PRR5L: variants seen among roughly 807,000 people sequenced by gnomAD.
PRR5L encodes the protein proline rich 5 like, also known as proline-rich protein 5-like.
Under a neutral mutation model 36.4 loss-of-function variants are expected in PRR5L, and 21 were observed. The ratio of observed to expected loss-of-function variants is 0.58; its 90% CI spans 0.41 to 0.83. The LOEUF is 0.83. Ranked by LOEUF, PRR5L falls within the 40% of genes least tolerant of loss-of-function variation. The pLI is 0.00. For missense variants in PRR5L, 381 were observed against 473.3 expected (o/e 0.80, Z 1.81); for synonymous variants, 188 against 197.0 (o/e 0.95, Z 0.38).
chr11:36,341,211 A>G (rs897579210), intron 1 of PRR5L, among the ~76,000 whole-genome samples: 2 of 152,176 alleles, frequency 1.3e-5, no homozygotes, highest in African/African-American at 4.8e-5. Flanking sequence ...AGCCTGTCAC[A>G]CAGAGAGAGA....
chr11:36,447,498 A>G (rs1211316703), intron 7 of PRR5L, among the ~76,000 whole-genome samples: 1 of 152,184 alleles, frequency 6.6e-6, no homozygotes, highest in Admixed American at 6.5e-5. Flanking sequence ...GTTTTTGGCT[A>G]GGGACACCCC....
chr11:36,448,633 G>C (rs1016182476), intron 7 of PRR5L, among the ~76,000 whole-genome samples: 1 of 152,162 alleles, frequency 6.6e-6, no homozygotes, highest in Non-Finnish European at 1.5e-5. Context: ...CCAGCTAGTA[G>C]AAGGTTGAGC....
chr11:36,403,752 C>A (rs1170931263), intron 3 of PRR5L, among the ~76,000 whole-genome samples: 1 of 152,140 alleles, frequency 6.6e-6, no homozygotes, highest in African/African-American at 2.4e-5. Flanking sequence ...TGTGTTCTTC[C>A]TTTTACTAAG....
chr11:36,350,938 TTATATATATATATTTA>T lies in PRR5L; in HGVS notation c.-125-50051_-125-50036del, dbSNP rs1298700966. The stretch of plus-strand genomic sequence containing the variant: ...TATATATTTATATATATTTATATAT[TTATATATATATATTTA>T]TATATATTTATATATTTATATATAT... On this transcript the variant is annotated intron_variant, in intron 1 of 8. Transcript: ENST00000530639. Among the ~76,000 whole-genome samples, 127 of 28,394 alleles carry T rather than the reference TTATATATATATATTTA, an allele frequency of 4.5e-3. 13 individuals carry two copies. The highest frequency in any genetic ancestry group is 0.035 in the South Asian group (39 of 1,124). 18.6% of individuals were successfully genotyped at this position (28,394 alleles called of 152,430 possible). A position where few individuals can be genotyped will look rare whatever the true frequency, so the allele number is the denominator to read the frequency against.
chr11:36,412,664 T>A (rs1858049969), intron 3 of PRR5L, among the ~76,000 whole-genome samples: 1 of 151,802 alleles, frequency 6.6e-6, no homozygotes, highest in Non-Finnish European at 1.5e-5. Context: ...CAAATTAAAT[T>A]GGTAAAAGTA....
chr11:36,357,321 A>G (rs970942125), intron 1 of PRR5L, among the ~76,000 whole-genome samples: 3 of 152,256 alleles, frequency 2.0e-5, no homozygotes, highest in African/African-American at 4.8e-5. Flanking sequence ...GTGAAGCAGC[A>G]TGGGCTGATG....
At chr11:36,323,993 A>G (rs1856636940) in intron 1 of PRR5L, among the ~76,000 whole-genome samples, 1 of 152,214 alleles carries the variant, frequency 6.6e-6, no homozygotes, top group Non-Finnish European at 1.5e-5. Context: ...AAATGGTGCT[A>G]CTTTGGAAAG....
chr11:36,359,262 T>C (rs1433050648), intron 1 of PRR5L, among the ~76,000 whole-genome samples: 1 of 152,202 alleles, frequency 6.6e-6, no homozygotes, highest in Admixed American at 6.5e-5. Flanking sequence ...TTCTGCCATT[T>C]TAGGTGAAAG....
At chr11:36,304,829 C>T (rs562503709) in intron 1 of PRR5L, among the ~76,000 whole-genome samples, 168 of 152,216 alleles carry the variant, frequency 1.1e-3, no homozygotes, top group Non-Finnish European at 1.8e-3. Flanking sequence ...CATGATGAGA[C>T]GCACTTTACA....
In PRR5L at chr11:36,308,765, C is replaced by T. The variant is rs140813951; in HGVS notation, c.-126+12327C>T. On this transcript the variant is annotated intron_variant, in intron 1 of 8. Coordinates refer to ENST00000530639, the MANE Select transcript of PRR5L (RefSeq NM_001160167.2). Reference sequence around the variant, plus strand: ...CTTGTTCTGGTCAATGGAATGTGATCAGATATGACTCTATCAGAGGCTTTA... The same window carrying T: ...CTTGTTCTGGTCAATGGAATGTGATTAGATATGACTCTATCAGAGGCTTTA... Among the ~76,000 whole-genome samples the T allele has an allele frequency of 2.6e-3, 400 of 152,284 alleles. 4 individuals are homozygous for T. The highest frequency in any genetic ancestry group is 9.4e-3 in the African/African-American group (391 of 41,550).
chr11:36,355,548 C>CTTTTTTTT (rs1041820581), intron 1 of PRR5L, among the ~76,000 whole-genome samples: 9 of 127,058 alleles, frequency 7.1e-5, no homozygotes, highest in Non-Finnish European at 8.3e-5. Context: ...CTTTGCTTTG[C>CTTTTTTTT]TTTTTTTTTT....
At chr11:36,337,261 C>T (rs1479975391) in intron 1 of PRR5L, among the ~76,000 whole-genome samples, 1 of 152,142 alleles carries the variant, frequency 6.6e-6, no homozygotes, top group Non-Finnish European at 1.5e-5. Flanking sequence ...ACTCCATCCT[C>T]CTGAATGGGA....
At chr11:36,420,639 G>A (rs1270845713) in intron 4 of PRR5L, among the ~76,000 whole-genome samples, 2 of 152,184 alleles carry the variant, frequency 1.3e-5, no homozygotes, top group East Asian at 3.8e-4. Flanking sequence ...TGGGAAAGTA[G>A]CATGAAATGC....
At chr11:36,431,598 T>A (rs1252041531) in intron 4 of PRR5L, among the ~76,000 whole-genome samples, 1 of 152,182 alleles carries the variant, frequency 6.6e-6, no homozygotes, top group Admixed American at 6.5e-5. Flanking sequence ...GTCATGCCTC[T>A]TCCCTCGTCT....
At chr11:36,349,101 G>A (rs1357324505) in intron 1 of PRR5L, among the ~76,000 whole-genome samples, 2 of 151,988 alleles carry the variant, frequency 1.3e-5, no homozygotes, top group African/African-American at 2.4e-5. Context: ...TGTGGCCAAC[G>A]TGGTGAAACC....
intron 2 of PRR5L, among the ~76,000 whole-genome samples, 176 bp from the exon 3 acceptor site, chr11:36,403,122 C>A (rs1019774903): frequency 1.1e-4 from 17 of 152,110 alleles, no homozygotes; most frequent in African/African-American, 3.9e-4. Flanking sequence ...AGTCCTTTCG[C>A]CTTTGGTCTT....
At chr11:36,358,743 C>T (rs1424178218) in intron 1 of PRR5L, among the ~76,000 whole-genome samples, 1 of 152,082 alleles carries the variant, frequency 6.6e-6, no homozygotes, top group Non-Finnish European at 1.5e-5. Flanking sequence ...GAGTAGCCAG[C>T]CATGTAGAGG....
chr11:36,463,170 TG>T lies in PRR5L; in HGVS notation c.*436del, dbSNP rs1314947086. ...GTTCCCCTTTAGGTTCCTAGTGATG[TG>T]GAGGTTTATGGGTGAAAAATTAGTG... On this transcript the variant is annotated 3_prime_UTR_variant, in exon 9 of 9. Coordinates refer to ENST00000530639, the MANE Select transcript of PRR5L (RefSeq NM_001160167.2). 1 of 156,854 alleles carries T rather than the reference TG, an allele frequency of 6.4e-6. No individual in the cohort carries two copies. The highest frequency in any genetic ancestry group is 6.5e-5 in the Admixed American group (1 of 15,434). The allele number at this position is 156,854 out of a possible 1,614,324, so 9.7% of individuals were successfully genotyped here.
At chr11:36,376,196 G>C (rs1447448240) in intron 1 of PRR5L, 1 of 1,301,836 alleles carries the variant, frequency 7.7e-7, no homozygotes. Context: ...TCCCCAGCAG[G>C]GTGAGAGTTG....
Sources: gnomAD v4.1 joint callset for allele counts (sites outside exome capture counted in the v4.1 genomes callset) on GRCh38, gnomAD v4.1.1 for gene constraint, MANE v1.5 for transcripts, NCBI Gene and HGNC (gene_info 2026-07-23, HGNC 2026-07-21) for gene names.